The following ARHGAP42 variants were observed in gnomAD, a reference collection of about 807,000 sequenced individuals.
ARHGAP42 encodes the protein rho GTPase-activating protein 42.
Under a neutral mutation model 125.0 loss-of-function variants are expected in ARHGAP42, and 63 were observed. The observed-to-expected ratio is 0.50, with a 90% CI of 0.41 to 0.62. The LOEUF is 0.62. Among genes scored for constraint, ARHGAP42 ranks in the 20% least tolerant of loss-of-function variants. The pLI, the probability that ARHGAP42 is intolerant of heterozygous loss-of-function variation, is 0.00. For synonymous variants in ARHGAP42, 339 were observed against 351.0 expected (o/e 0.97, Z 0.38); for missense variants, 766 against 1,024.2 (o/e 0.75, Z 3.44).
At chr11:100,741,877 G>T (rs1862194749) in intron 1 of ARHGAP42, among the ~76,000 whole-genome samples, 2 of 152,184 alleles carry the variant, frequency 1.3e-5, no homozygotes, top group South Asian at 4.1e-4. Context: ...ACTGCAATGT[G>T]CAGTTCTGGC....
At chr11:100,904,797 TG>T (rs774431099) in intron 4 of ARHGAP42, among the ~76,000 whole-genome samples, 1 of 152,250 alleles carries the variant, frequency 6.6e-6, no homozygotes, top group Non-Finnish European at 1.5e-5. Context: ...TCTGTGACCT[TG>T]GTCAGATTAC....
intron 23 of ARHGAP42, 42 bp from the exon 24 acceptor site, chr11:100,988,671 A>T: frequency 6.9e-7 from 1 of 1,455,946 alleles, no homozygotes; most frequent in Non-Finnish European, 9.4e-7. Flanking sequence ...ATTATTTGAC[A>T]CTAATGTTGA....
At chr11:100,729,653 T>C (rs1047015907) in intron 1 of ARHGAP42, among the ~76,000 whole-genome samples, 1 of 152,144 alleles carries the variant, frequency 6.6e-6, no homozygotes, top group Admixed American at 6.6e-5. Context: ...TTTAAAAAAA[T>C]AGTAATTTTT....
chr11:100,744,762 G>A (rs1248507484), intron 1 of ARHGAP42, among the ~76,000 whole-genome samples: 12 of 152,182 alleles, frequency 7.9e-5, no homozygotes. Context: ...TGCTCAGTGT[G>A]TGAGCAAGTT....
At chr11:100,754,161 G>C (rs922857023) in intron 1 of ARHGAP42, among the ~76,000 whole-genome samples, 1 of 152,128 alleles carries the variant, frequency 6.6e-6, no homozygotes, top group African/African-American at 2.4e-5. Context: ...TAATATGGGA[G>C]ATGTTAAAAA....
chr11:100,927,711 ACCTCAGG>A (rs777578764), intron 6 of ARHGAP42, among the ~76,000 whole-genome samples: 7 of 152,198 alleles, frequency 4.6e-5, no homozygotes, highest in Admixed American at 2.0e-4. Flanking sequence ...AGGAAAGTGT[ACCTCAGG>A]CCTCTTCATC....
At chr11:100,752,246 C>G (rs1375611563) in intron 1 of ARHGAP42, among the ~76,000 whole-genome samples, 1 of 152,228 alleles carries the variant, frequency 6.6e-6, no homozygotes, top group African/African-American at 2.4e-5. Flanking sequence ...CCACACCAAG[C>G]TCCAGTGAGA....
In ARHGAP42 at chr11:100,992,625, C is replaced by T; in HGVS notation, c.*3824C>T. On this transcript the variant is annotated 3_prime_UTR_variant, in exon 24 of 24. Coordinates refer to ENST00000298815, the MANE Select transcript of ARHGAP42 (RefSeq NM_152432.4). The stretch of plus-strand genomic sequence containing the variant: ...ACATTCACTGTATCCCTCATTGTCA[C>T]CGTTATCCCCCTGCTTCAAAATGTG... 6.2e-7 allele frequency: 1 copy of T among 1,613,480 alleles called. No homozygotes were observed.
intron 1 of ARHGAP42, among the ~76,000 whole-genome samples, chr11:100,734,154 C>T (rs1862015950): frequency 1.3e-5 from 2 of 151,392 alleles, no homozygotes; most frequent in Admixed American, 1.3e-4. Context: ...AGGCTAGTCT[C>T]GAACTCCTGA....
chr11:100,903,870 T>C (rs1346595175), intron 4 of ARHGAP42, among the ~76,000 whole-genome samples: 1 of 151,290 alleles, frequency 6.6e-6, no homozygotes, highest in African/African-American at 2.4e-5. Flanking sequence ...ACTGAAGAAC[T>C]TGGAATCCGA....
intron 11 of ARHGAP42, among the ~76,000 whole-genome samples, chr11:100,948,799 A>G (rs748179472): frequency 1.3e-5 from 2 of 151,994 alleles, no homozygotes; most frequent in Non-Finnish European, 2.9e-5. Flanking sequence ...TACACTCATC[A>G]CCTTGGCTCC....
chr11:100,897,904 T>C (rs1248544500), intron 4 of ARHGAP42, among the ~76,000 whole-genome samples: 2 of 152,188 alleles, frequency 1.3e-5, no homozygotes, highest in South Asian at 2.1e-4. Flanking sequence ...AGAGAGGGCA[T>C]CCTTGTCCTG....
Position 100,689,453 on chromosome 11 carries a change from T to G in ARHGAP42, c.154+1621T>G, listed in dbSNP as rs111624775. On this transcript the variant is annotated intron_variant, in intron 1 of 23. Coordinates refer to ENST00000298815, the MANE Select transcript of ARHGAP42 (RefSeq NM_152432.4). Reference sequence around the variant, plus strand: ...CTCCCCGCTCTGCTTGAGATAAACTTTAGTGTTTCAGAAGGTCAAAATACT... The same window carrying G: ...CTCCCCGCTCTGCTTGAGATAAACTGTAGTGTTTCAGAAGGTCAAAATACT... Among the ~76,000 whole-genome samples, 663 of 152,298 alleles carry G rather than the reference T, an allele frequency of 4.4e-3. 4 individuals carry two copies. The highest frequency in any genetic ancestry group is 0.015 in the African/African-American group (630 of 41,562).
rs189662513 is a variant in ARHGAP42, at chr11:100,989,389, C to T, written c.*588C>T. The stretch of plus-strand genomic sequence containing the variant: ...TCAAAAGCAATAATGTATATGATAT[C>T]TATAAAGGAAGCAAAATTAAGTCAT... On this transcript the variant is annotated 3_prime_UTR_variant, in exon 24 of 24. Coordinates refer to ENST00000298815, the MANE Select transcript of ARHGAP42 (RefSeq NM_152432.4). 1.9e-4 allele frequency: 65 copies of T among 337,504 alleles called. No homozygotes were observed. The East Asian group carries it at 2.1e-3, about 11-fold the overall frequency. The allele number at this position is 337,504 out of a possible 1,614,324, so 20.9% of individuals were successfully genotyped here.
chr11:100,722,389 A>G (rs1212498040), intron 1 of ARHGAP42, among the ~76,000 whole-genome samples: 1 of 140,934 alleles, frequency 7.1e-6, no homozygotes, highest in Non-Finnish European at 1.5e-5. Flanking sequence ...AAAAAAATTT[A>G]TTACTTTTTT....
intron 6 of ARHGAP42, among the ~76,000 whole-genome samples, chr11:100,932,780 C>G (rs1383268765): frequency 2.0e-5 from 3 of 152,138 alleles, no homozygotes; most frequent in African/African-American, 7.2e-5. Flanking sequence ...TTTGGTCTTC[C>G]TTACGTTGCA....
intron 1 of ARHGAP42, among the ~76,000 whole-genome samples, chr11:100,756,852 A>G (rs780228573): frequency 3.3e-5 from 5 of 152,228 alleles, no homozygotes; most frequent in Non-Finnish European, 5.9e-5. Context: ...ATACATGTTA[A>G]TGGCTCAAAT....
chr11:100,936,591 T>C (rs1163467386), intron 8 of ARHGAP42, among the ~76,000 whole-genome samples: 1 of 152,228 alleles, frequency 6.6e-6, no homozygotes, highest in African/African-American at 2.4e-5. Context: ...CATTTAATTG[T>C]GATACTTAAT....
At chr11:100,875,163 C>G (rs1181684707) in intron 4 of ARHGAP42, among the ~76,000 whole-genome samples, 1 of 143,402 alleles carries the variant, frequency 7.0e-6, no homozygotes, top group Admixed American at 7.1e-5. Context: ...GGCTCATGAA[C>G]TATGAATGGT....
Sources: allele counts gnomAD v4.1 joint callset (sites outside exome capture counted in the v4.1 genomes callset), GRCh38; gene constraint gnomAD v4.1.1; transcripts MANE v1.5; gene names NCBI Gene and HGNC (gene_info 2026-07-23, HGNC 2026-07-21).